Variants in RIMBP2 observed in about 807,000 individuals in gnomAD.
The protein encoded by RIMBP2 is RIMS binding protein 2, also known as RIMS-binding protein 2.
In RIMBP2, 48 loss-of-function variants were observed where a neutral mutation model predicts 118.6. The observed-to-expected ratio is 0.40, with a 90% CI of 0.32 to 0.51. The LOEUF (loss-of-function observed/expected upper bound fraction) is 0.51, where lower values mean the gene tolerates loss of function less well. Ranked by LOEUF, RIMBP2 falls within the 20% of genes least tolerant of loss-of-function variation. The probability of loss-of-function intolerance (pLI) is 0.41; values close to 1 mark genes in which losing one functional copy is unlikely to be tolerated. For synonymous variants in RIMBP2, 762 were observed against 742.9 expected, an observed-to-expected ratio of 1.03 and a Z score of -0.42; for missense variants, 1,551 against 1,768.3, an observed-to-expected ratio of 0.88 and a Z score of 2.20.
chr12:130,682,104 C>T (rs1205389253), intron 1 of RIMBP2, among the ~76,000 whole-genome samples: 1 of 152,222 alleles, frequency 6.6e-6, no homozygotes, highest in East Asian at 1.9e-4. Flanking sequence ...TGGTGGCTCA[C>T]CCAGGGACAC....
At chr12:130,438,334 A>ACCCCC in intron 12 of RIMBP2, 31 bp downstream of exon 12, 1 of 1,344,512 alleles carries the variant, frequency 7.4e-7, no homozygotes, top group Non-Finnish European at 1.1e-6. Context: ...GGGCCTAACA[A>ACCCCC]ACCCTCCCCA....
intron 4 of RIMBP2, among the ~76,000 whole-genome samples, chr12:130,503,650 C>T (rs1384247795): frequency 6.6e-6 from 1 of 152,182 alleles, no homozygotes; most frequent in East Asian, 1.9e-4. Context: ...ACATAACATT[C>T]CGAGTAAGAA....
chr12:130,473,213 T>A (rs558735308), intron 5 of RIMBP2, among the ~76,000 whole-genome samples: 3 of 152,350 alleles, frequency 2.0e-5, no homozygotes, highest in Non-Finnish European at 4.4e-5. Flanking sequence ...CTGTTGAAAT[T>A]GGCAGCGCTG....
intron 1 of RIMBP2, among the ~76,000 whole-genome samples, chr12:130,711,794 G>A (rs1303598092): frequency 6.6e-6 from 1 of 152,212 alleles, no homozygotes; most frequent in Admixed American, 6.5e-5. Flanking sequence ...ACAAGGATGC[G>A]TTCGGAGAAA....
Position 130,450,344 on chromosome 12 carries a change from A to G in RIMBP2, c.505-68T>C. ...GTGTCCCACCCCATTCCCGCGGCAC[A>G]CGGGAAAGCCCCTCGCAGCTTCCTG... On this transcript the variant is annotated intron_variant, in intron 8 of 22. Coordinates refer to ENST00000690449, the MANE Select transcript of RIMBP2 (RefSeq NM_001393629.1). This position sits in a 1 kb window ranked among gnomAD's most constrained non-coding sequence, Gnocchi z 4.8. 10 of 1,221,160 alleles carry G rather than the reference A, an allele frequency of 8.2e-6. No homozygotes were observed. The highest frequency in any genetic ancestry group is 1.1e-5 in the Non-Finnish European group (9 of 842,462). 75.6% of individuals were successfully genotyped at this position (1,221,160 alleles called of 1,614,324 possible).
In RIMBP2 at chr12:130,438,519, G is replaced by A; in HGVS notation, c.1505-3C>T. The A allele has an allele frequency of 6.3e-7, 1 of 1,597,132 alleles. No homozygotes were observed. The highest frequency in any genetic ancestry group is 8.5e-7 in the Non-Finnish European group (1 of 1,171,246). The stretch of plus-strand genomic sequence containing the variant: ...ATCTTGTGGGGGTGCTGGGGGTCCT[G>A]GGAGGGGACAGAAGGGAACGGAGGC... On this transcript the variant is annotated splice_region_variant and splice_polypyrimidine_tract_variant and intron_variant, in intron 11 of 22. Coordinates refer to ENST00000690449, the MANE Select transcript of RIMBP2 (RefSeq NM_001393629.1).
At chr12:130,421,575 G>A (rs1281658164) in intron 17 of RIMBP2, among the ~76,000 whole-genome samples, 1 of 152,154 alleles carries the variant, frequency 6.6e-6, no homozygotes, top group Non-Finnish European at 1.5e-5. Flanking sequence ...GATTCCAGGT[G>A]GCTTTTCAGT....
In RIMBP2 at chr12:130,436,201, G is replaced by A. The variant is rs148758598; in HGVS notation, c.2106+641C>T. Among the ~76,000 whole-genome samples the A allele has an allele frequency of 3.1e-3, 472 of 152,264 alleles. 1 individual carries two copies. Among genetic ancestry groups the A allele is most frequent in the African/African-American group, 0.011 (452 of 41,550 alleles). ...TGCAGGTGATTTCTCAAAAACGCAC[G>A]TCCCGTTGTGTGTATCATCCGGAAC... On this transcript the variant is annotated intron_variant, in intron 13 of 22. Transcript: ENST00000690449.
intron 1 of RIMBP2, among the ~76,000 whole-genome samples, chr12:130,639,703 C>A (rs1192692215): frequency 6.6e-6 from 1 of 152,138 alleles, no homozygotes; most frequent in African/African-American, 2.4e-5. Context: ...CTCTGCTATA[C>A]TCCCAGTCCC....
At chr12:130,599,616 G>C (rs149246961) in intron 2 of RIMBP2, among the ~76,000 whole-genome samples, 2 of 152,186 alleles carry the variant, frequency 1.3e-5, no homozygotes, top group African/African-American at 4.8e-5. Context: ...GCATGCAAGT[G>C]CTAGCAAGGA....
intron 2 of RIMBP2, among the ~76,000 whole-genome samples, chr12:130,610,975 G>A (rs1022493187): frequency 1.4e-4 from 22 of 152,156 alleles, no homozygotes; most frequent in Non-Finnish European, 1.8e-4. Flanking sequence ...CTCTGCCTCC[G>A]AGTTCCCTCA....
Position 130,710,507 on chromosome 12 carries a change from C to G in RIMBP2, c.-352+5715G>C, listed in dbSNP as rs976086679. The stretch of plus-strand genomic sequence containing the variant: ...ACATGTGTGCTCCCCATGAGGGCAG[C>G]ACCCTCCTCTAGCTTGTTCACTGCT... On this transcript the variant is annotated intron_variant, in intron 1 of 22. Transcript: ENST00000690449. This position sits in a 1 kb window ranked among gnomAD's most constrained non-coding sequence, Gnocchi z 4.3. 2.0e-5 allele frequency among the ~76,000 whole-genome samples: 3 copies of G among 152,174 alleles called. No homozygotes were observed. The highest frequency in any genetic ancestry group is 7.2e-5 in the African/African-American group (3 of 41,440).
rs1421909916 is a variant in RIMBP2 at position 130,428,209 on chromosome 12, C to T, written c.2382G>A (p.Arg794=). The T allele has an allele frequency of 1.2e-6, 2 of 1,612,538 alleles. No homozygotes were observed. The highest frequency in any genetic ancestry group is 1.3e-5 in the African/African-American group (1 of 74,910). ...GGGCATTGTGGGACGTGCCGCTGGG[C>T]CGCCTCCTTCCCCCATCTTCCAGCT... ...EMQLEDGGRR[R]PSGTSHNALK... Residue 794 remains arginine (R), a synonymous_variant, in exon 15 of 23, where the codon CGG becomes CGA. Transcript: ENST00000690449.
chr12:130,551,923 T>C (rs1205675242), intron 2 of RIMBP2, among the ~76,000 whole-genome samples: 1 of 152,244 alleles, frequency 6.6e-6, no homozygotes, highest in Non-Finnish European at 1.5e-5. Context: ...TGGCAAATCA[T>C]GAATTATGAG....
In RIMBP2 at chr12:130,456,667, T is replaced by C. The variant is rs1428909689; in HGVS notation, c.187A>G (p.Thr63Ala). The C allele has an allele frequency of 1.2e-6, 2 of 1,609,516 alleles. No homozygotes were observed. Among genetic ancestry groups the C allele is most frequent in the Non-Finnish European group, 1.7e-6 (2 of 1,176,716 alleles). ...KVRELEEKCRTQSEQFNLLSR... is the reference protein window; with the variant it reads ...KVRELEEKCRAQSEQFNLLSR... Reference sequence around the variant, plus strand: ...AGCAGGTTGAACTGCTCACTTTGAGTCCGGCATTTCTCTTCCAGCTCTCGA... The same window carrying C: ...AGCAGGTTGAACTGCTCACTTTGAGCCCGGCATTTCTCTTCCAGCTCTCGA... The change falls in exon 7 of 23, where the codon ACT (threonine) becomes GCT (alanine). Residue 63 changes from threonine to alanine, a missense_variant. By Grantham distance (58) the Thr-to-Ala change is moderately conservative. Transcript: ENST00000690449.
At chr12:130,432,863 C>T (rs1015974078) in intron 14 of RIMBP2, among the ~76,000 whole-genome samples, 14 of 152,178 alleles carry the variant, frequency 9.2e-5, no homozygotes, top group African/African-American at 3.4e-4. Context: ...ATCCTATCTC[C>T]AGAACTCACC....
intron 1 of RIMBP2, among the ~76,000 whole-genome samples, chr12:130,676,374 C>T (rs1325927910): frequency 6.7e-6 from 1 of 149,790 alleles, no homozygotes; most frequent in East Asian, 2.0e-4. Context: ...CCTGTAACAC[C>T]AGCACTTTCG....
At chr12:130,487,481 T>C (rs2138344228) in intron 4 of RIMBP2, among the ~76,000 whole-genome samples, 1 of 152,328 alleles carries the variant, frequency 6.6e-6, no homozygotes, top group South Asian at 2.1e-4. Context: ...GCTCCCACTT[T>C]GCCTTCTGCC....
intron 2 of RIMBP2, among the ~76,000 whole-genome samples, chr12:130,598,109 A>G (rs1337086988): frequency 6.6e-6 from 1 of 152,240 alleles, no homozygotes; most frequent in Non-Finnish European, 1.5e-5. Context: ...ACAAAAACTT[A>G]AAGTTTAAAA....
Sources: gnomAD v4.1 joint callset for allele counts (sites outside exome capture counted in the v4.1 genomes callset) on GRCh38, gnomAD v4.1.1 for gene constraint, Gnocchi (gnomAD v3.1) non-coding constraint, MANE v1.5 for transcripts, NCBI Gene and HGNC (gene_info 2026-07-23, HGNC 2026-07-21) for gene names.